PAK6: variants seen among roughly 807,000 people sequenced by gnomAD.
PAK6 encodes the protein serine/threonine-protein kinase PAK 6.
A neutral mutation model predicts 60.8 loss-of-function variants in PAK6; 33 were observed. The observed-to-expected ratio is 0.54, with a 90% CI of 0.41 to 0.73. The LOEUF is 0.73. Among genes scored for constraint, PAK6 ranks in the 30% least tolerant of loss-of-function variants. The pLI is 0.00. For missense variants in PAK6, 845 were observed against 904.1 expected (o/e 0.93, Z 0.84); for synonymous variants, 404 against 378.5 (o/e 1.07, Z -0.78).
intron 3 of PAK6, among the ~76,000 whole-genome samples, chr15:40,253,954 A>G (rs1462921139): frequency 1.3e-5 from 2 of 152,078 alleles, no homozygotes; most frequent in Non-Finnish European, 2.9e-5. Flanking sequence ...GTCTGTGTCC[A>G]TGCTCGTTTT....
At chr15:40,255,987 G>A (rs1368121593) in intron 3 of PAK6, among the ~76,000 whole-genome samples, 1 of 152,196 alleles carries the variant, frequency 6.6e-6, no homozygotes, top group Non-Finnish European at 1.5e-5. Flanking sequence ...CAGGAGTGAG[G>A]ATTTCCTCTC....
At chr15:40,252,793 C>T in intron 2 of PAK6, 1 of 1,299,392 alleles carries the variant, frequency 7.7e-7, no homozygotes, top group Non-Finnish European at 1.0e-6. Context: ...TCGGGACCAG[C>T]CGGCGCCAGG....
chr15:40,241,964 C>A (rs1234593660), intron 2 of PAK6, among the ~76,000 whole-genome samples: 1 of 152,224 alleles, frequency 6.6e-6, no homozygotes, highest in Non-Finnish European at 1.5e-5. Flanking sequence ...TGCTGCCTCA[C>A]AAAAGGTGAC....
intron 10 of PAK6, among the ~76,000 whole-genome samples, chr15:40,274,729 C>T (rs1487616352): frequency 6.6e-6 from 1 of 152,252 alleles, no homozygotes; most frequent in Non-Finnish European, 1.5e-5. Flanking sequence ...TCGTTGCACA[C>T]CCCGACACAG....
At chr15:40,273,302 A>G in intron 7 of PAK6, 44 bp from the exon 8 acceptor site, 1 of 1,600,846 alleles carries the variant, frequency 6.2e-7, no homozygotes, top group Non-Finnish European at 8.5e-7. Context: ...GACCTGCCAG[A>G]GCTAACGTTC....
intron 2 of PAK6, among the ~76,000 whole-genome samples, chr15:40,242,745 G>A (rs1312374745): frequency 1.3e-5 from 2 of 152,332 alleles, no homozygotes; most frequent in Admixed American, 6.5e-5. Flanking sequence ...TCAGCCCTAG[G>A]GGCCAGGAAG....
chr15:40,247,794 G>A (rs945555964), intron 2 of PAK6, among the ~76,000 whole-genome samples: 5 of 152,198 alleles, frequency 3.3e-5, no homozygotes, highest in African/African-American at 1.2e-4. Context: ...GGGGTGAACA[G>A]ACCTGTTGGG....
At chr15:40,252,071 C>G in intron 2 of PAK6, 1 of 264,964 alleles carries the variant, frequency 3.8e-6, no homozygotes. Context: ...ATCCCGCTTT[C>G]CTGCCTGCGC....
intron 2 of PAK6, among the ~76,000 whole-genome samples, chr15:40,242,047 A>G (rs750212503): frequency 6.7e-5 from 5 of 75,160 alleles, no homozygotes; most frequent in Non-Finnish European, 1.9e-4. Context: ...AGAGGGGCGG[A>G]GGCTGTCGAG....
intron 3 of PAK6, among the ~76,000 whole-genome samples, chr15:40,257,509 G>A (rs546152218): frequency 1.3e-4 from 20 of 152,374 alleles, no homozygotes; most frequent in Admixed American, 9.1e-4. Context: ...GCGGGGTGAC[G>A]GGTTAGGAGG....
At chr15:40,273,665 T>C in exon 9 of PAK6, 1 of 1,613,980 alleles carries the variant, frequency 6.2e-7, no homozygotes, top group Non-Finnish European at 8.5e-7. Context: ...CAGGTCTTTG[T>C]ATGCCACTGA....
At chr15:40,252,849 C>G (rs957178940) in intron 2 of PAK6, 1 of 1,268,506 alleles carries the variant, frequency 7.9e-7, no homozygotes, top group Non-Finnish European at 1.0e-6. Flanking sequence ...GTCCCTGGAG[C>G]GGGACCTCCC....
chr15:40,265,076 G>A (rs1044935842), intron 4 of PAK6, 87 bp downstream of exon 4: 1 of 1,172,874 alleles, frequency 8.5e-7, no homozygotes, highest in Non-Finnish European at 1.2e-6. Flanking sequence ...GCCCCTGGAG[G>A]AACCACCTAC....
chr15:40,244,826 G>GA (rs780421463), intron 2 of PAK6: 2 of 152,154 alleles, frequency 1.3e-5, no homozygotes, highest in Non-Finnish European at 2.9e-5. Context: ...ACTCACATGT[G>GA]AAAAAACAGG....
At chr15:40,267,515 C>T (rs913800458) in intron 5 of PAK6, among the ~76,000 whole-genome samples, 12 of 152,140 alleles carry the variant, frequency 7.9e-5, no homozygotes, top group Admixed American at 2.0e-4. Context: ...AAAAATTAGC[C>T]GGGCGCGGTG....
intron 2 of PAK6, among the ~76,000 whole-genome samples, chr15:40,248,638 G>C (rs541536932): frequency 6.6e-6 from 1 of 152,144 alleles, no homozygotes; most frequent in Admixed American, 6.5e-5. Context: ...GTGACAGAGT[G>C]GGGGAACCTG....
chr15:40,253,079 G>C, intron 2 of PAK6, 99 bp from the exon 3 acceptor site: 1 of 398,222 alleles, frequency 2.5e-6, no homozygotes, highest in South Asian at 1.8e-5. Flanking sequence ...GGAGGCGGGC[G>C]CGGAGCGGTT....
intron 2 of PAK6, among the ~76,000 whole-genome samples, chr15:40,248,342 G>A (rs570769205): frequency 3.3e-4 from 50 of 152,342 alleles, no homozygotes; most frequent in Admixed American, 2.1e-3. Flanking sequence ...GGACAGCCTG[G>A]AGGAGAGGGG....
chr15:40,272,765 G>A, intron 6 of PAK6, 44 bp downstream of exon 6: 1 of 1,578,546 alleles, frequency 6.3e-7, no homozygotes, highest in Non-Finnish European at 8.6e-7. Context: ...TTGGGGATGG[G>A]CAGTGAGCAG....
Sources: allele counts gnomAD v4.1 joint callset (sites outside exome capture counted in the v4.1 genomes callset), GRCh38; gene constraint gnomAD v4.1.1; transcripts MANE v1.5; gene names NCBI Gene and HGNC (gene_info 2026-07-23, HGNC 2026-07-21).